Variants in PLA2G4A observed in about 807,000 individuals in gnomAD.
The protein encoded by PLA2G4A is phospholipase A2 group IVA.
In PLA2G4A, 40 loss-of-function variants were observed where a neutral mutation model predicts 81.9. That is an observed-to-expected ratio of 0.49 (90% CI 0.38 to 0.64). PLA2G4A has a LOEUF of 0.64. Ranked by LOEUF, PLA2G4A falls within the 30% of genes least tolerant of loss-of-function variation. The pLI, the probability that PLA2G4A is intolerant of heterozygous loss-of-function variation, is 0.00. For missense variants in PLA2G4A, 715 were observed against 905.1 expected, an observed-to-expected ratio of 0.79 and a Z score of 2.69; for synonymous variants, 302 against 296.9, an observed-to-expected ratio of 1.02 and a Z score of -0.18.
intron 5 of PLA2G4A, among the ~76,000 whole-genome samples, chr1:186,904,401 C>A (rs974257679): frequency 6.6e-6 from 1 of 152,146 alleles, no homozygotes; most frequent in Non-Finnish European, 1.5e-5. Context: ...AAGAAGTTTA[C>A]AGTAATTGTT....
rs188385516 is a variant in PLA2G4A, at chr1:186,978,371, C to A, written c.1960+583C>A. Among the ~76,000 whole-genome samples the A allele has an allele frequency of 3.9e-4, 59 of 152,112 alleles. 1 individual carries two copies. Among genetic ancestry groups the A allele is most frequent in the African/African-American group, 1.3e-3 (55 of 41,502 alleles). ...GATCTAAAGATTTACATGCAGGGTG[C>A]TTAAGGCTCCAAAAACCATATTTTA... On this transcript the variant is annotated intron_variant, in intron 16 of 17. Transcript: ENST00000367466.
chr1:186,868,894 T>G (rs1653135354), intron 2 of PLA2G4A, among the ~76,000 whole-genome samples: 1 of 151,944 alleles, frequency 6.6e-6, no homozygotes, highest in African/African-American at 2.4e-5. Flanking sequence ...ATTTCTGATA[T>G]TAGTAGTTTT....
intron 5 of PLA2G4A, among the ~76,000 whole-genome samples, chr1:186,902,320 A>G (rs1216910712): frequency 2.0e-5 from 3 of 152,128 alleles, no homozygotes; most frequent in Non-Finnish European, 2.9e-5. Context: ...AATTCATACA[A>G]AACCACATCC....
chr1:186,892,971 A>G (rs775134799), intron 3 of PLA2G4A, 40 bp from the exon 4 acceptor site: 3 of 1,499,480 alleles, frequency 2.0e-6, no homozygotes, highest in Non-Finnish European at 2.8e-6. Flanking sequence ...ACTATGAATC[A>G]CATTTCTACC....
At chr1:186,866,801 T>C (rs1226228953) in intron 2 of PLA2G4A, among the ~76,000 whole-genome samples, 1 of 152,156 alleles carries the variant, frequency 6.6e-6, no homozygotes, top group Non-Finnish European at 1.5e-5. Context: ...TAATTATTAT[T>C]GAGATGGTTC....
intron 3 of PLA2G4A, among the ~76,000 whole-genome samples, chr1:186,885,517 C>G (rs1240227126): frequency 6.6e-6 from 1 of 152,062 alleles, no homozygotes; most frequent in Non-Finnish European, 1.5e-5. Context: ...CATAATTTGT[C>G]ATAAAAAAGT....
intron 3 of PLA2G4A, among the ~76,000 whole-genome samples, chr1:186,878,628 T>G (rs1444448601): frequency 2.0e-5 from 3 of 151,890 alleles, no homozygotes; most frequent in Non-Finnish European, 4.4e-5. Flanking sequence ...AAGGCACTGT[T>G]GTTCCTTCCT....
At chr1:186,889,901 A>T (rs577428323) in intron 3 of PLA2G4A, among the ~76,000 whole-genome samples, 3 of 152,128 alleles carry the variant, frequency 2.0e-5, no homozygotes, top group African/African-American at 7.2e-5. Context: ...TTACTGAGGA[A>T]CATGATGTAA....
chr1:186,885,607 G>A (rs1417209224), intron 3 of PLA2G4A, among the ~76,000 whole-genome samples: 1 of 151,962 alleles, frequency 6.6e-6, no homozygotes, highest in Non-Finnish European at 1.5e-5. Flanking sequence ...ATAAGATCAA[G>A]AAACAAACAG....
rs372189873 is a variant in PLA2G4A at position 186,977,838 on chromosome 1, C to T, written c.1960+50C>T. ...CATAAAATAGAAATTAAGTAGGGGA[C>T]GAAACTGACATTAAACTGTTTCACT... On this transcript the variant is annotated intron_variant, in intron 16 of 17. Transcript: ENST00000367466. The T allele has an allele frequency of 2.5e-5, 29 of 1,170,952 alleles. No homozygotes were observed. The Middle Eastern group carries it at 5.7e-4, about 23-fold the overall frequency. 72.5% of individuals were successfully genotyped at this position (1,170,952 alleles called of 1,614,324 possible).
At chr1:186,855,366 G>C (rs1016721401) in intron 2 of PLA2G4A, among the ~76,000 whole-genome samples, 2 of 151,692 alleles carry the variant, frequency 1.3e-5, no homozygotes, top group South Asian at 4.2e-4. Flanking sequence ...TTACTTCTCA[G>C]TTTTCTTATG....
At chr1:186,875,057 T>G (rs1413283749) in intron 3 of PLA2G4A, among the ~76,000 whole-genome samples, 4 of 152,118 alleles carry the variant, frequency 2.6e-5, no homozygotes, top group Non-Finnish European at 4.4e-5. Flanking sequence ...CAGATTTTGA[T>G]TCTGTAGGTT....
intron 7 of PLA2G4A, among the ~76,000 whole-genome samples, chr1:186,920,197 G>T (rs1655296806): frequency 6.6e-6 from 1 of 152,142 alleles, no homozygotes; most frequent in African/African-American, 2.4e-5. Context: ...GATAATTCCT[G>T]TTCCTGGTAA....
rs1657157915 is a variant in PLA2G4A, at chr1:186,967,053, A to C, written c.1764+1460A>C. The stretch of plus-strand genomic sequence containing the variant: ...GAATAAGAAGTGGCAATTCATAATA[A>C]TTAAATGGAACAGTTCATGATCTCC... On this transcript the variant is annotated intron_variant, in intron 15 of 17. Coordinates refer to ENST00000367466, the MANE Select transcript of PLA2G4A (RefSeq NM_024420.3). Among the ~76,000 whole-genome samples the C allele has an allele frequency of 2.0e-5, 3 of 152,168 alleles. No individual in the cohort carries two copies. In the South Asian group the frequency reaches 6.2e-4, roughly 31 times the overall value.
chr1:186,962,221 G>A (rs1480255396), intron 14 of PLA2G4A, among the ~76,000 whole-genome samples: 2 of 151,530 alleles, frequency 1.3e-5, no homozygotes, highest in Admixed American at 1.3e-4. Flanking sequence ...ATCTCTTACT[G>A]TGCCTAATTT....
At chr1:186,829,683 T>C (rs1402709970) in intron 1 of PLA2G4A, among the ~76,000 whole-genome samples, 1 of 151,978 alleles carries the variant, frequency 6.6e-6, no homozygotes, top group African/African-American at 2.4e-5. Context: ...TCAAATTACA[T>C]AGTTAAATTT....
intron 8 of PLA2G4A, 119 bp from the exon 9 acceptor site, chr1:186,938,889 G>T (rs919129167): frequency 5.6e-6 from 4 of 709,844 alleles, no homozygotes; most frequent in African/African-American, 3.5e-5. Context: ...TCTGCAATCA[G>T]ATAATGAAGT....
At chr1:186,857,181 T>A (rs369386237) in intron 2 of PLA2G4A, among the ~76,000 whole-genome samples, 9,380 of 52,610 alleles carry the variant, frequency 0.18, 17 homozygotes, top group African/African-American at 0.26. Flanking sequence ...ATATAATATG[T>A]CTGCCATGTT....
intron 14 of PLA2G4A, among the ~76,000 whole-genome samples, chr1:186,960,517 T>C (rs1018574667): frequency 3.0e-4 from 46 of 152,288 alleles, no homozygotes; most frequent in African/African-American, 1.1e-3. Context: ...CTCTATGACA[T>C]TTAATAGATG....
Sources: gnomAD v4.1 joint callset for allele counts (sites outside exome capture counted in the v4.1 genomes callset) on GRCh38, gnomAD v4.1.1 for gene constraint, MANE v1.5 for transcripts, NCBI Gene and HGNC (gene_info 2026-07-23, HGNC 2026-07-21) for gene names.